The following MANBA variants were observed in gnomAD, a reference collection of about 807,000 sequenced individuals.
MANBA encodes beta-mannosidase.
MANBA carries 83 observed loss-of-function variants against 111.1 expected under a neutral mutation model. That is an observed-to-expected ratio of 0.75 (90% CI 0.63 to 0.90). The LOEUF (loss-of-function observed/expected upper bound fraction) is 0.90. Among genes scored for constraint, MANBA ranks in the 40% least tolerant of loss-of-function variants. MANBA has a pLI of 0.00. For missense variants in MANBA, 1,036 were observed against 1,069.0 expected (o/e 0.97, Z 0.43); for synonymous variants, 370 against 378.7 (o/e 0.98, Z 0.27).
intron 2 of MANBA, among the ~76,000 whole-genome samples, chr4:102,726,085 C>G (rs1722783414): frequency 6.7e-6 from 1 of 148,726 alleles, no homozygotes; most frequent in African/African-American, 2.5e-5. Flanking sequence ...CTTTAAAAGA[C>G]TAGTAAATAA....
At chr4:102,692,476 G>A (rs1168217953) in intron 5 of MANBA, among the ~76,000 whole-genome samples, 1 of 152,140 alleles carries the variant, frequency 6.6e-6, no homozygotes, top group African/African-American at 2.4e-5. Context: ...TCCGGGTTTG[G>A]TTTTGTGTTT....
chr4:102,728,400 G>A, intron 1 of MANBA: 2 of 501,804 alleles, frequency 4.0e-6, no homozygotes, highest in Non-Finnish European at 7.8e-6. Flanking sequence ...TTTTCCTGTG[G>A]TTGGACAGTT....
intron 1 of MANBA, among the ~76,000 whole-genome samples, chr4:102,749,315 G>A (rs1391317939): frequency 6.6e-6 from 1 of 152,212 alleles, no homozygotes. Context: ...GTGAGATGTG[G>A]TGGTTAGACA....
intron 12 of MANBA, among the ~76,000 whole-genome samples, chr4:102,651,775 GT>G (rs1317593263): frequency 3.9e-5 from 6 of 152,146 alleles, no homozygotes; most frequent in Non-Finnish European, 8.8e-5. Context: ...AAATTTGGAA[GT>G]TTTTCCTAAT....
At chr4:102,636,992 T>C (rs1729661287) in intron 14 of MANBA, among the ~76,000 whole-genome samples, 1 of 152,130 alleles carries the variant, frequency 6.6e-6, no homozygotes, top group Non-Finnish European at 1.5e-5. Flanking sequence ...TGATAGTGAA[T>C]AAGTCTCACG....
At chr4:102,732,812 C>T (rs1723077960) in intron 1 of MANBA, among the ~76,000 whole-genome samples, 1 of 152,170 alleles carries the variant, frequency 6.6e-6, no homozygotes, top group East Asian at 1.9e-4. Flanking sequence ...TTAGCATGAC[C>T]ATGTCATTCC....
chr4:102,704,588 T>C (rs1733213770), intron 5 of MANBA, among the ~76,000 whole-genome samples: 1 of 152,188 alleles, frequency 6.6e-6, no homozygotes, highest in East Asian at 1.9e-4. Flanking sequence ...TTAAAAATTT[T>C]CAGTAACTCT....
chr4:102,757,943 A>G (rs1464507116), intron 1 of MANBA, among the ~76,000 whole-genome samples: 1 of 152,158 alleles, frequency 6.6e-6, no homozygotes. Context: ...ACTATTCCTG[A>G]AACTTGTCAA....
At chr4:102,668,640 T>G in intron 10 of MANBA, 2 of 285,340 alleles carry the variant, frequency 7.0e-6, no homozygotes, top group Non-Finnish European at 6.8e-6. Flanking sequence ...GGGGAGGGGG[T>G]GCAATATAAG....
intron 5 of MANBA, among the ~76,000 whole-genome samples, chr4:102,694,455 G>A (rs1025132309): frequency 9.9e-5 from 15 of 152,052 alleles, no homozygotes; most frequent in African/African-American, 3.6e-4. Flanking sequence ...TTTATAAATT[G>A]CATAATCCTA....
At chr4:102,664,512 C>A (rs1027343005) in intron 11 of MANBA, among the ~76,000 whole-genome samples, 173 bp downstream of exon 11, 3 of 151,968 alleles carry the variant, frequency 2.0e-5, no homozygotes, top group Non-Finnish European at 4.4e-5. Context: ...CCGCGCCCAG[C>A]TAATTTTTTT....
intron 12 of MANBA, among the ~76,000 whole-genome samples, chr4:102,651,784 A>C (rs932393177): frequency 1.3e-5 from 2 of 152,154 alleles, no homozygotes; most frequent in African/African-American, 4.8e-5. Flanking sequence ...AGTTTTTCCT[A>C]ATTACAGATG....
At chr4:102,731,574 A>G (rs962975853) in intron 1 of MANBA, among the ~76,000 whole-genome samples, 1 of 152,108 alleles carries the variant, frequency 6.6e-6, no homozygotes, top group Non-Finnish European at 1.5e-5. Context: ...AGCTCACTAC[A>G]TGTCTCTGTG....
chr4:102,700,254 T>TC (rs1732960280), intron 5 of MANBA, among the ~76,000 whole-genome samples: 35 of 128,382 alleles, frequency 2.7e-4, no homozygotes, highest in African/African-American at 5.9e-4. Flanking sequence ...TCTCTTTTTT[T>TC]CTTTATTAGT....
intron 7 of MANBA, among the ~76,000 whole-genome samples, chr4:102,687,790 C>T (rs556024151): frequency 7.9e-5 from 12 of 152,238 alleles, no homozygotes; most frequent in African/African-American, 2.9e-4. Flanking sequence ...GAAACAGAAA[C>T]AGTGTCTTAG....
chr4:102,728,679 C>T (rs1722905841), intron 1 of MANBA: 3 of 587,288 alleles, frequency 5.1e-6, no homozygotes, highest in Non-Finnish European at 9.1e-6. Context: ...CTCACGTTCC[C>T]TGTGCTCCCT....
At chr4:102,647,553 G>T (rs559618758) in intron 13 of MANBA, among the ~76,000 whole-genome samples, 4 of 151,826 alleles carry the variant, frequency 2.6e-5, no homozygotes, top group Non-Finnish European at 4.4e-5. Context: ...TAGCAGAAAA[G>T]TCTCTTATAC....
intron 4 of MANBA, among the ~76,000 whole-genome samples, chr4:102,716,294 A>T (rs1339589835): frequency 7.7e-6 from 1 of 129,838 alleles, no homozygotes; most frequent in Non-Finnish European, 1.6e-5. Context: ...GGGCAACAAG[A>T]GTGAAACTCA....
Position 102,719,746 on chromosome 4 carries a change from G to A in MANBA, c.549+3125C>T, listed in dbSNP as rs116666601. On this transcript the variant is annotated intron_variant, in intron 4 of 16. Transcript: ENST00000647097. ...GGGATTAGCTCCATGTACAAATGAC[G>A]GGCATACCTCAAGTTATTCTATGTT... Among the ~76,000 whole-genome samples, 996 of 152,260 alleles carry A rather than the reference G, an allele frequency of 6.5e-3. 9 individuals carry two copies. The highest frequency in any genetic ancestry group is 9.1e-3 in the South Asian group (44 of 4,824).
Sources: gnomAD v4.1 joint callset for allele counts (sites outside exome capture counted in the v4.1 genomes callset) on GRCh38, gnomAD v4.1.1 for gene constraint, MANE v1.5 for transcripts, NCBI Gene and HGNC (gene_info 2026-07-23, HGNC 2026-07-21) for gene names.